CEP85L: variants seen among roughly 807,000 people sequenced by gnomAD.
CEP85L encodes the protein centrosomal protein 85L, also known as centrosomal protein of 85 kDa-like.
In CEP85L, 60 loss-of-function variants were observed where a neutral mutation model predicts 100.3. That is an observed-to-expected ratio of 0.60 (90% CI 0.49 to 0.74). CEP85L has a LOEUF of 0.74. Among genes scored for constraint, CEP85L ranks in the 30% least tolerant of loss-of-function variants. The pLI, the probability that CEP85L is intolerant of heterozygous loss-of-function variation, is 0.00. For missense variants in CEP85L, 973 were observed against 936.2 expected (o/e 1.04, Z -0.51); for synonymous variants, 319 against 322.7 (o/e 0.99, Z 0.12).
chr6:118,474,351 A>G (rs1054333679), intron 10 of CEP85L, among the ~76,000 whole-genome samples: 3 of 152,212 alleles, frequency 2.0e-5, no homozygotes, highest in Admixed American at 6.5e-5. Flanking sequence ...GACAGAGCCA[A>G]TAACACACGG....
chr6:118,491,057 G>A (rs1376082886), intron 6 of CEP85L, among the ~76,000 whole-genome samples: 2 of 152,122 alleles, frequency 1.3e-5, no homozygotes, highest in African/African-American at 2.4e-5. Flanking sequence ...TGGGACTGCT[G>A]GATCAAATGG....
upstream of CEP85L, among the ~76,000 whole-genome samples, chr6:118,654,364 A>C (rs1436719786): frequency 6.6e-6 from 1 of 152,216 alleles, no homozygotes; most frequent in African/African-American, 2.4e-5. Flanking sequence ...AAAATATAAA[A>C]TATATAAATA....
rs149526173 is a variant in CEP85L, at chr6:118,511,691, T to C, written c.1140-276A>G. Reference sequence around the variant, plus strand: ...ATCTTCAAAAATTTATTAACTCTCATGATGAAGTTTTGAAGGAGAGAGCTT... The same window carrying C: ...ATCTTCAAAAATTTATTAACTCTCACGATGAAGTTTTGAAGGAGAGAGCTT... On this transcript the variant is annotated intron_variant, in intron 4 of 12. Coordinates refer to ENST00000368491, the MANE Select transcript of CEP85L (RefSeq NM_001042475.3). 4.1e-4 allele frequency among the ~76,000 whole-genome samples: 63 copies of C among 152,294 alleles called. 1 individual carries two copies. The East Asian group carries it at 0.011, about 26-fold the overall frequency.
intron 3 of CEP85L, among the ~76,000 whole-genome samples, chr6:118,535,426 G>A (rs143524593): frequency 1.6e-3 from 239 of 152,228 alleles, no homozygotes; most frequent in African/African-American, 5.4e-3. Flanking sequence ...TGGAAATGTC[G>A]CACACTTCTC....
At chr6:118,595,608 G>C (rs1781422541) in intron 2 of CEP85L, among the ~76,000 whole-genome samples, 1 of 152,172 alleles carries the variant, frequency 6.6e-6, no homozygotes, top group African/African-American at 2.4e-5. Context: ...AAAAGGAAGA[G>C]GCAACCACCA....
At chr6:118,582,496 C>CAAGGAAGGT (rs1157689260) in intron 2 of CEP85L, among the ~76,000 whole-genome samples, 8 of 152,068 alleles carry the variant, frequency 5.3e-5, no homozygotes, top group African/African-American at 1.9e-4. Context: ...AAAGAGGAGA[C>CAAGGAAGGT]AAGGAAGGTA....
chr6:118,504,344 C>T (rs938848246), intron 5 of CEP85L, among the ~76,000 whole-genome samples: 1 of 151,532 alleles, frequency 6.6e-6, no homozygotes, highest in African/African-American at 2.4e-5. Context: ...CACTGCACTC[C>T]AGCCTCGGCA....
chr6:118,630,800 T>C (rs1392543271), intron 2 of CEP85L, among the ~76,000 whole-genome samples: 2 of 152,234 alleles, frequency 1.3e-5, no homozygotes, highest in East Asian at 3.8e-4. Flanking sequence ...GGTGAGTGGC[T>C]GCAGGTGAGT....
At chr6:118,595,527 G>A (rs1194180673) in intron 2 of CEP85L, among the ~76,000 whole-genome samples, 1 of 151,966 alleles carries the variant, frequency 6.6e-6, no homozygotes, top group African/African-American at 2.4e-5. Context: ...TGCCATTCTT[G>A]GAACACAGTA....
chr6:118,540,714 G>T (rs191532657), intron 3 of CEP85L, among the ~76,000 whole-genome samples: 1 of 151,930 alleles, frequency 6.6e-6, no homozygotes, highest in Non-Finnish European at 1.5e-5. Context: ...CCAAGATCAC[G>T]CCACTGCACT....
At chr6:118,559,128 ATC>A in intron 3 of CEP85L, 1 of 1,404,716 alleles carries the variant, frequency 7.1e-7, no homozygotes, top group South Asian at 1.2e-5. Context: ...TCAGCTTAAA[ATC>A]TGTCATCCCA....
intron 3 of CEP85L, among the ~76,000 whole-genome samples, chr6:118,528,210 TTTTTC>T: frequency 7.0e-6 from 1 of 143,502 alleles, no homozygotes; most frequent in South Asian, 2.2e-4. Context: ...TTTTCTTTTC[TTTTTC>T]TTTTTTTTTT....
Position 118,461,798 on chromosome 6 carries a change from T to C in CEP85L, c.*3607A>G, listed in dbSNP as rs541694231. 22 of 152,186 alleles carry C rather than the reference T, an allele frequency of 1.4e-4. No individual in the cohort carries two copies. The highest frequency in any genetic ancestry group is 1.2e-3 in the Admixed American group (19 of 15,296). 9.4% of individuals were successfully genotyped at this position (152,186 alleles called of 1,614,324 possible). On this transcript the variant is annotated 3_prime_UTR_variant, in exon 13 of 13. Transcript: ENST00000368491. Reference sequence around the variant, plus strand: ...ATGGAAACATGGCAGTTTCAAATGATATAGTCTGAGTGAGCATGGTTATGA... The same window carrying C: ...ATGGAAACATGGCAGTTTCAAATGACATAGTCTGAGTGAGCATGGTTATGA...
intron 2 of CEP85L, among the ~76,000 whole-genome samples, chr6:118,614,763 C>T (rs1228304145): frequency 6.6e-6 from 1 of 152,168 alleles, no homozygotes; most frequent in Non-Finnish European, 1.5e-5. Flanking sequence ...ATTGCTTGGA[C>T]CCCGGAGGTG....
At chr6:118,612,681 G>A in intron 2 of CEP85L, among the ~76,000 whole-genome samples, 1 of 3,768 alleles carries the variant, frequency 2.7e-4, no homozygotes, top group Non-Finnish European at 1.1e-3. Flanking sequence ...AAAAGCGGGG[G>A]GGGGGGGGGG....
At chr6:118,495,937 T>C (rs1441800847) in intron 5 of CEP85L, among the ~76,000 whole-genome samples, 3 of 152,260 alleles carry the variant, frequency 2.0e-5, no homozygotes, top group Non-Finnish European at 4.4e-5. Flanking sequence ...TTCAGAAGGA[T>C]GTGCAAGAGG....
Position 118,566,052 on chromosome 6 carries a change from T to G in CEP85L, c.497A>C (p.Asp166Ala). The G allele has an allele frequency of 6.2e-7, 1 of 1,614,198 alleles. No homozygotes were observed. The highest frequency in any genetic ancestry group is 1.1e-5 in the South Asian group (1 of 91,082). The part of the protein sequence containing the change: ...WSSLSKLTAP[D>A]NCGQGGTVCR... ...TACAGTGCCACCCTGGCCACAGTTA[T>G]CCGGGGCAGTGAGTTTGGATAAAGA... The change falls in exon 3 of 13, where the codon GAT (aspartate) becomes GCT (alanine). Residue 166 changes from aspartate (D) to alanine (A), a missense_variant. Coordinates refer to ENST00000368491, the MANE Select transcript of CEP85L (RefSeq NM_001042475.3).
chr6:118,518,058 C>T (rs1776388027), intron 4 of CEP85L, among the ~76,000 whole-genome samples: 2 of 152,142 alleles, frequency 1.3e-5, no homozygotes, highest in Admixed American at 1.3e-4. Context: ...GTTGAACCAG[C>T]CTTGCATCCC....
intron 2 of CEP85L, among the ~76,000 whole-genome samples, chr6:118,566,945 T>C (rs1228277866): frequency 6.6e-6 from 1 of 152,056 alleles, no homozygotes; most frequent in African/African-American, 2.4e-5. Flanking sequence ...ATCCAACTCC[T>C]TACTGAGAGG....
Sources: gnomAD v4.1 joint callset for allele counts (sites outside exome capture counted in the v4.1 genomes callset) on GRCh38, gnomAD v4.1.1 for gene constraint, MANE v1.5 for transcripts, NCBI Gene and HGNC (gene_info 2026-07-23, HGNC 2026-07-21) for gene names.